The following TIAM1 variants were observed in gnomAD, a reference collection of about 807,000 sequenced individuals.
The protein encoded by TIAM1 is rho guanine nucleotide exchange factor TIAM1.
In TIAM1, 65 loss-of-function variants were observed where a neutral mutation model predicts 163.5. The ratio of observed to expected loss-of-function variants is 0.40; its 90% confidence interval spans 0.33 to 0.49. The LOEUF (loss-of-function observed/expected upper bound fraction) is 0.49, where lower values mean the gene tolerates loss of function less well. Ranked by LOEUF, TIAM1 falls within the 20% of genes least tolerant of loss-of-function variation. The probability of loss-of-function intolerance (pLI) is 0.77; values close to 1 mark genes in which losing one functional copy is unlikely to be tolerated. For synonymous variants in TIAM1, 833 were observed against 810.1 expected, an observed-to-expected ratio of 1.03 and a Z score of -0.48; for missense variants, 1,789 against 2,044.7, an observed-to-expected ratio of 0.87 and a Z score of 2.41.
chr21:31,141,070 C>A lies in TIAM1; in HGVS notation c.3774+48G>T, dbSNP rs1292655567. The A allele has an allele frequency of 7.0e-7, 1 of 1,433,624 alleles. No individual in the cohort carries two copies. Among genetic ancestry groups the A allele is most frequent in the Non-Finnish European group, 9.5e-7 (1 of 1,048,340 alleles). The allele number at this position is 1,433,624 out of a possible 1,614,324, so 88.8% of individuals were successfully genotyped here. On this transcript the variant is annotated intron_variant, in intron 22 of 27. Transcript: ENST00000541036. This position sits in a 1 kb window ranked among gnomAD's most constrained non-coding sequence, Gnocchi z 4.7. ...ATAAATAAATAAATAAAAGCAAACT[C>A]AAACTCGGCTTTCCTGACAGATGTC...
intron 2 of TIAM1, among the ~76,000 whole-genome samples, chr21:31,328,409 C>A (rs1433993163): frequency 6.6e-6 from 1 of 152,112 alleles, no homozygotes; most frequent in Non-Finnish European, 1.5e-5. Context: ...GTCACTCTGT[C>A]GCCCAGGCTG....
At chr21:31,261,495 G>A (rs182928661) in intron 4 of TIAM1, among the ~76,000 whole-genome samples, 8 of 152,066 alleles carry the variant, frequency 5.3e-5, no homozygotes, top group African/African-American at 1.9e-4. Flanking sequence ...GAAGATCACC[G>A]GAGATCAGGA....
chr21:31,383,287 A>G lies in TIAM1; in HGVS notation c.-368-43865T>C, dbSNP rs185499656. On this transcript the variant is annotated intron_variant, in intron 2 of 28. Coordinates refer to the TIAM1 transcript ENST00000286827. The stretch of plus-strand genomic sequence containing the variant: ...ATAGTTCCATAAATTCAGAATACTT[A>G]AAAGAGTAAAGCTTTTAATCCCAGC... Among the ~76,000 whole-genome samples, 60 of 152,340 alleles carry G rather than the reference A, an allele frequency of 3.9e-4. 1 individual carries two copies. Among genetic ancestry groups the G allele is most frequent in the African/African-American group, 1.4e-3 (58 of 41,572 alleles).
intron 1 of TIAM1, among the ~76,000 whole-genome samples, chr21:31,544,430 A>T (rs2898181): frequency 0.18 from 26,493 of 146,216 alleles, 4,376 homozygotes; most frequent in African/African-American, 0.43. Context: ...GGAGTTCAAG[A>T]GCAGCCTGGC....
In TIAM1 at chr21:31,452,738, A is replaced by G. The variant is rs992883694; in HGVS notation, c.-369+11245T>C. ...ATAAAAGCTCTAATAAATCTACTAC[A>G]AAGTCACTGCAAAAAGTAGAAGATG... On this transcript the variant is annotated intron_variant, in intron 2 of 28. Transcript: ENST00000286827. 6 of 481,840 alleles carry G rather than the reference A, an allele frequency of 1.2e-5. No homozygotes were observed. The Admixed American group carries it at 1.3e-4, about 10-fold the overall frequency. 29.8% of individuals were successfully genotyped at this position (481,840 alleles called of 1,614,324 possible).
rs147038530 is a variant in TIAM1, at chr21:31,135,208, T to C, written c.3883+725A>G. ...TATATTCATGAACAACACAGCAATA[T>C]GCCAATAAGCATTTACATTGCAACA... On this transcript the variant is annotated intron_variant, in intron 23 of 27. Coordinates refer to ENST00000541036, the MANE Select transcript of TIAM1 (RefSeq NM_001353694.2). Among the ~76,000 whole-genome samples the C allele has an allele frequency of 4.5e-3, 690 of 152,296 alleles. 3 individuals carry two copies. Among genetic ancestry groups the C allele is most frequent in the African/African-American group, 0.016 (659 of 41,572 alleles).
intron 27 of TIAM1, among the ~76,000 whole-genome samples, chr21:31,121,921 C>T (rs1406891707): frequency 2.0e-5 from 3 of 152,204 alleles, no homozygotes; most frequent in Non-Finnish European, 4.4e-5. Flanking sequence ...AAATGCAACA[C>T]GGGCTTTCCA....
chr21:31,554,165 G>A (rs1027052894), intron 1 of TIAM1, among the ~76,000 whole-genome samples: 6 of 152,074 alleles, frequency 3.9e-5, no homozygotes, highest in Admixed American at 6.6e-5. Context: ...ACAGAGAAGC[G>A]TGTTTTGGGT....
In TIAM1 at chr21:31,395,473, C is replaced by T. The variant is rs368018678; in HGVS notation, c.-368-56051G>A. On this transcript the variant is annotated intron_variant, in intron 2 of 28. Transcript: ENST00000286827. This position sits in a 1 kb window ranked among gnomAD's most constrained non-coding sequence, Gnocchi z 7.5. Reference sequence around the variant, plus strand: ...GGGAAAATTGGACAAGAGGGGCCCTCGGAGACCGAGGTCATCTAAACACAG... The same window carrying T: ...GGGAAAATTGGACAAGAGGGGCCCTTGGAGACCGAGGTCATCTAAACACAG... Among the ~76,000 whole-genome samples the T allele has an allele frequency of 4.1e-4, 63 of 152,210 alleles. No homozygotes were observed. The highest frequency in any genetic ancestry group is 3.4e-3 in the Middle Eastern group (1 of 294).
At chr21:31,542,054 C>T (rs2048337996) in intron 1 of TIAM1, among the ~76,000 whole-genome samples, 1 of 152,220 alleles carries the variant, frequency 6.6e-6, no homozygotes, top group African/African-American at 2.4e-5. Context: ...ACTATGCCCT[C>T]AACCCTTGAC....
intron 1 of TIAM1, among the ~76,000 whole-genome samples, chr21:31,467,204 T>C (rs2045565310): frequency 6.6e-6 from 1 of 152,240 alleles, no homozygotes; most frequent in Non-Finnish European, 1.5e-5. Flanking sequence ...TGGTGGCACA[T>C]GCCTGTTGCC....
intron 2 of TIAM1, among the ~76,000 whole-genome samples, chr21:31,397,444 GA>G (rs539453565): frequency 6.6e-6 from 1 of 151,704 alleles, no homozygotes; most frequent in African/African-American, 2.4e-5. Context: ...TAATTCCTTT[GA>G]AAAAAATTCA....
chr21:31,528,952 GTCTCA>G (rs2047879116), intron 1 of TIAM1, among the ~76,000 whole-genome samples: 1 of 62,312 alleles, frequency 1.6e-5, no homozygotes, highest in Admixed American at 1.9e-4. Context: ...TTGAGACAGA[GTCTCA>G]GTCGCCCAGG....
rs538231739 is a variant in TIAM1, at chr21:31,292,594, T to G, written c.-188-15686A>C. Among the ~76,000 whole-genome samples, 267 of 151,930 alleles carry G rather than the reference T, an allele frequency of 1.8e-3. 1 individual carries two copies. Among genetic ancestry groups the G allele is most frequent in the East Asian group, 9.7e-4 (5 of 5,148 alleles). ...TATGTTGGCTAGGCTGGTCTCAAAC[T>G]CCTGGCCTCAAGTGATCCACCCGCC... is the stretch of plus-strand genomic sequence containing the variant. On this transcript the variant is annotated intron_variant, in intron 2 of 27. Coordinates refer to ENST00000541036, the MANE Select transcript of TIAM1 (RefSeq NM_001353694.2).
chr21:31,196,309 TTTTTTC>T (rs1350013726), intron 12 of TIAM1, among the ~76,000 whole-genome samples: 2 of 149,032 alleles, frequency 1.3e-5, no homozygotes, highest in South Asian at 4.3e-4. Flanking sequence ...TTTTCTTTTC[TTTTTTC>T]TTTTTTTTTT....
intron 23 of TIAM1, among the ~76,000 whole-genome samples, chr21:31,134,791 G>A (rs142368795): frequency 0.045 from 6,780 of 152,228 alleles, 422 homozygotes; most frequent in African/African-American, 0.15. Context: ...GATTACAGGT[G>A]TGAGCCACCA....
chr21:31,435,615 A>C (rs1196879410), intron 2 of TIAM1, among the ~76,000 whole-genome samples: 3 of 152,180 alleles, frequency 2.0e-5, no homozygotes, highest in East Asian at 3.9e-4. Context: ...CAAATGAAAA[A>C]TTGGCCTAGT....
At chr21:31,387,871 A>C (rs503634) in intron 2 of TIAM1, among the ~76,000 whole-genome samples, 21,959 of 151,934 alleles carry the variant, frequency 0.14, 1,683 homozygotes, top group Non-Finnish European at 0.17. Context: ...GCCTCCTCCC[A>C]GTGGCCCTGA....
At chr21:31,503,968 C>T (rs2046947834) in intron 1 of TIAM1, among the ~76,000 whole-genome samples, 1 of 152,106 alleles carries the variant, frequency 6.6e-6, no homozygotes, top group Non-Finnish European at 1.5e-5. Flanking sequence ...GGGATCAGCC[C>T]ATCCACTTTC....
Sources: allele counts gnomAD v4.1 joint callset (sites outside exome capture counted in the v4.1 genomes callset), GRCh38; gene constraint gnomAD v4.1.1; non-coding constraint Gnocchi (gnomAD v3.1); transcripts MANE v1.5; gene names NCBI Gene and HGNC (gene_info 2026-07-23, HGNC 2026-07-21).